Variants in AGAP1 observed in about 807,000 individuals in gnomAD.
AGAP1 encodes ArfGAP with GTPase domain, ankyrin repeat and PH domain 1.
Under a neutral mutation model 105.3 loss-of-function variants are expected in AGAP1, and 29 were observed. The ratio of observed to expected loss-of-function variants is 0.28; its 90% CI spans 0.21 to 0.38. The LOEUF is 0.38. Ranked by LOEUF, AGAP1 falls within the 10% of genes least tolerant of loss-of-function variation. AGAP1 has a pLI of 1.00. For synonymous variants in AGAP1, 509 were observed against 485.9 expected, an observed-to-expected ratio of 1.05 and a Z score of -0.63; for missense variants, 998 against 1,165.1, an observed-to-expected ratio of 0.86 and a Z score of 2.09.
rs989354097 is a variant in AGAP1, at chr2:235,660,816, C to T, written c.164-48363C>T. 3.3e-5 allele frequency among the ~76,000 whole-genome samples: 5 copies of T among 152,144 alleles called. No homozygotes were observed. Among genetic ancestry groups the T allele is most frequent in the South Asian group, 2.1e-4 (1 of 4,828 alleles). Reference sequence around the variant, plus strand: ...CATCACATCTTATTGTCGCAGCTACCGTATTGTTCTTGTCCCGTTTTTGCA... The same window carrying T: ...CATCACATCTTATTGTCGCAGCTACTGTATTGTTCTTGTCCCGTTTTTGCA... On this transcript the variant is annotated intron_variant, in intron 1 of 17. Coordinates refer to ENST00000304032, the MANE Select transcript of AGAP1 (RefSeq NM_001037131.3). This position sits in a 1 kb window ranked among gnomAD's most constrained non-coding sequence, Gnocchi z 5.3.
chr2:235,732,170 C>A lies in AGAP1; in HGVS notation c.311-8793C>A, dbSNP rs964908140. On this transcript the variant is annotated intron_variant, in intron 3 of 17. Transcript: ENST00000304032. This position sits in a 1 kb window ranked among gnomAD's most constrained non-coding sequence, Gnocchi z 4.8. ...TTTATCTTCGAATAGTCTTTGAGTT[C>A]TTTTGTTGTGGATGTGTTGTCAGAG... Among the ~76,000 whole-genome samples, 1 of 152,104 alleles carries A rather than the reference C, an allele frequency of 6.6e-6. No homozygotes were observed. The highest frequency in any genetic ancestry group is 2.4e-5 in the African/African-American group (1 of 41,422).
chr2:235,801,074 G>T lies in AGAP1; in HGVS notation c.957+1552G>T, dbSNP rs544510699. On this transcript the variant is annotated intron_variant, in intron 8 of 17. Coordinates refer to ENST00000304032, the MANE Select transcript of AGAP1 (RefSeq NM_001037131.3). The surrounding 1 kb of genome is among the most constrained non-coding windows in gnomAD (Gnocchi z 6.0). ...ATTGGATGCTCATGACTGCGGAGGCGGTTGCCAGCTGCACACACCCCCTCG... is the reference window on the plus strand; with the variant it reads ...ATTGGATGCTCATGACTGCGGAGGCTGTTGCCAGCTGCACACACCCCCTCG... 6.6e-6 allele frequency among the ~76,000 whole-genome samples: 1 copy of T among 152,238 alleles called. No homozygotes were observed. The highest frequency in any genetic ancestry group is 1.9e-4 in the East Asian group (1 of 5,168).
chr2:236,122,193 C>T (rs1012358287), intron 17 of AGAP1, among the ~76,000 whole-genome samples: 5 of 152,158 alleles, frequency 3.3e-5, no homozygotes, highest in Non-Finnish European at 5.9e-5. Flanking sequence ...TTAAGCAGTC[C>T]TCTCACCTCG....
Position 236,124,389 on chromosome 2 carries a change from C to A in AGAP1, c.*267C>A. 1.9e-6 allele frequency: 1 copy of A among 521,474 alleles called. No homozygotes were observed. The highest frequency in any genetic ancestry group is 3.5e-6 in the Non-Finnish European group (1 of 287,336). The allele number at this position is 521,474 out of a possible 1,614,324, so 32.3% of individuals were successfully genotyped here. On this transcript the variant is annotated 3_prime_UTR_variant, in exon 18 of 18. Coordinates refer to ENST00000304032, the MANE Select transcript of AGAP1 (RefSeq NM_001037131.3). This position sits in a 1 kb window ranked among gnomAD's most constrained non-coding sequence, Gnocchi z 5.1. ...CACAGGAGAGAGCGACGGGCCTCGG[C>A]CCTTTGATGATAGCACATGGCGCAG...
intron 1 of AGAP1, among the ~76,000 whole-genome samples, chr2:235,543,007 TTTC>T (rs1221949513): frequency 6.6e-6 from 1 of 151,994 alleles, no homozygotes; most frequent in Admixed American, 6.6e-5. Flanking sequence ...AGGGTGGACT[TTTC>T]TTTGGGACCT....
intron 1 of AGAP1, among the ~76,000 whole-genome samples, chr2:235,511,999 C>T (rs111270090): frequency 7.5e-6 from 1 of 133,628 alleles, no homozygotes; most frequent in African/African-American, 2.6e-5. Context: ...TGTGTGAATG[C>T]GTGTGTGACT....
At chr2:235,587,233 G>T (rs1945142657) in intron 1 of AGAP1, among the ~76,000 whole-genome samples, 1 of 152,172 alleles carries the variant, frequency 6.6e-6, no homozygotes, top group Admixed American at 6.5e-5. Context: ...GGAAAAGTCG[G>T]ACCAAGTTTC....
In AGAP1 at chr2:235,732,243, C is replaced by A. The variant is rs187236275; in HGVS notation, c.311-8720C>A. ...GGTCCGTTTGTCAATGAACTTCTCT[C>A]TTAAATACTTTACCTCTGTCTTTTT... is the stretch of plus-strand genomic sequence containing the variant. On this transcript the variant is annotated intron_variant, in intron 3 of 17. Coordinates refer to ENST00000304032, the MANE Select transcript of AGAP1 (RefSeq NM_001037131.3). This position sits in a 1 kb window ranked among gnomAD's most constrained non-coding sequence, Gnocchi z 4.8. Among the ~76,000 whole-genome samples, 1 of 152,336 alleles carries A rather than the reference C, an allele frequency of 6.6e-6. No homozygotes were observed. The highest frequency in any genetic ancestry group is 2.4e-5 in the African/African-American group (1 of 41,584).
intron 1 of AGAP1, among the ~76,000 whole-genome samples, chr2:235,567,510 C>T (rs1046782260): frequency 2.2e-4 from 33 of 152,188 alleles, no homozygotes; most frequent in Non-Finnish European, 4.1e-4. Context: ...TGCTTCTCCC[C>T]GTGTCTGTTC....
At chr2:235,980,437 C>G (rs920671356) in intron 13 of AGAP1, among the ~76,000 whole-genome samples, 1 of 152,140 alleles carries the variant, frequency 6.6e-6, no homozygotes, top group African/African-American at 2.4e-5. Flanking sequence ...CATCCGAACT[C>G]CTAGTCAATT....
At position 235,824,586 on chromosome 2, in the gene AGAP1, A is replaced by G. The variant is rs1357704928; in HGVS notation, c.1050+17255A>G. ...TTTTGTGCTAAGAGGCAATGTAGAA[A>G]TTAGTTCCCGAATTACTTGTTAATT... On this transcript the variant is annotated intron_variant, in intron 9 of 17. Coordinates refer to ENST00000304032, the MANE Select transcript of AGAP1 (RefSeq NM_001037131.3). This position sits in a 1 kb window ranked among gnomAD's most constrained non-coding sequence, Gnocchi z 5.2. Among the ~76,000 whole-genome samples the G allele has an allele frequency of 6.6e-6, 1 of 152,248 alleles. No homozygotes were observed. The highest frequency in any genetic ancestry group is 1.5e-5 in the Non-Finnish European group (1 of 68,052).
chr2:235,684,291 G>T (rs1472560730), intron 1 of AGAP1, among the ~76,000 whole-genome samples: 53 of 152,006 alleles, frequency 3.5e-4, no homozygotes, highest in Non-Finnish European at 1.5e-5. Flanking sequence ...TGATCCACCC[G>T]CCTCGGCCTC....
rs369761029 is a variant in AGAP1, at chr2:236,045,821, G to A, written c.1892-3238G>A. The A allele has an allele frequency of 1.4e-4, 54 of 399,436 alleles. No individual in the cohort carries two copies. The highest frequency in any genetic ancestry group is 9.8e-4 in the South Asian group (53 of 54,128). The allele number at this position is 399,436 out of a possible 1,614,324, so 24.7% of individuals were successfully genotyped here. On this transcript the variant is annotated intron_variant, in intron 15 of 17. Transcript: ENST00000304032. This position sits in a 1 kb window ranked among gnomAD's most constrained non-coding sequence, Gnocchi z 6.9. ...CCTTGCCGATGAGTCATTCTCTGCT[G>A]GAGCGGAGGCAAGGTTCTCCCCTCA...
At chr2:235,503,380 C>T (rs1941649996) in intron 1 of AGAP1, among the ~76,000 whole-genome samples, 2 of 152,098 alleles carry the variant, frequency 1.3e-5, no homozygotes, top group South Asian at 4.2e-4. Flanking sequence ...CGTATCTGCT[C>T]CTGTTCTGAC....
chr2:236,025,763 G>C (rs1032234028), intron 13 of AGAP1, among the ~76,000 whole-genome samples: 2 of 152,156 alleles, frequency 1.3e-5, no homozygotes, highest in African/African-American at 4.8e-5. Context: ...GACGCTGGGC[G>C]TGGTGGCTCA....
At position 235,825,339 on chromosome 2, in the gene AGAP1, G is replaced by A. The variant is rs115493027; in HGVS notation, c.1050+18008G>A. Among the ~76,000 whole-genome samples, 706 of 152,356 alleles carry A rather than the reference G, an allele frequency of 4.6e-3. 8 individuals carry two copies. Among genetic ancestry groups the A allele is most frequent in the African/African-American group, 0.016 (672 of 41,586 alleles). On this transcript the variant is annotated intron_variant, in intron 9 of 17. Transcript: ENST00000304032. ...GACCCTTTGAACAGCTGCCACCATG[G>A]TGGCTGTGGCTTCATTTTGAGGAAA...
chr2:235,779,587 G>C (rs1173971294), intron 6 of AGAP1, among the ~76,000 whole-genome samples: 1 of 152,140 alleles, frequency 6.6e-6, no homozygotes, highest in African/African-American at 2.4e-5. Context: ...GCTGCTCCTT[G>C]GAAAAGCGGA....
chr2:235,562,834 A>G (rs1944206870), intron 1 of AGAP1, among the ~76,000 whole-genome samples: 1 of 151,864 alleles, frequency 6.6e-6, no homozygotes, highest in Non-Finnish European at 1.5e-5. Flanking sequence ...AGGTGGGAGG[A>G]TTGATTGAGC....
In AGAP1 at chr2:236,053,149, G is replaced by T. The variant is rs538368882; in HGVS notation, c.2114+3868G>T. Among the ~76,000 whole-genome samples the T allele has an allele frequency of 6.6e-6, 1 of 152,326 alleles. No homozygotes were observed. Among genetic ancestry groups the T allele is most frequent in the South Asian group, 2.1e-4 (1 of 4,826 alleles). On this transcript the variant is annotated intron_variant, in intron 16 of 17. Coordinates refer to ENST00000304032, the MANE Select transcript of AGAP1 (RefSeq NM_001037131.3). This position sits in a 1 kb window ranked among gnomAD's most constrained non-coding sequence, Gnocchi z 4.6. ...TGGGTTCCAGTGTTAGAGGTACATG[G>T]TGTTACTGTAAGGAGAAGTTGCCAA... is the stretch of plus-strand genomic sequence containing the variant.
Sources: gnomAD v4.1 joint callset for allele counts (sites outside exome capture counted in the v4.1 genomes callset) on GRCh38, gnomAD v4.1.1 for gene constraint, Gnocchi (gnomAD v3.1) non-coding constraint, MANE v1.5 for transcripts, NCBI Gene and HGNC (gene_info 2026-07-23, HGNC 2026-07-21) for gene names.